Variants in CNTNAP3B observed in about 807,000 individuals in gnomAD.
CNTNAP3B encodes contactin-associated protein-like 3B.
Under a neutral mutation model 108.9 loss-of-function variants are expected in CNTNAP3B, and 25 were observed. That is an observed-to-expected ratio of 0.23 (90% CI 0.17 to 0.32). The LOEUF (loss-of-function observed/expected upper bound fraction) is 0.32, where lower values mean the gene tolerates loss of function less well. CNTNAP3B is among the 10% of genes least tolerant of loss of function. The probability of loss-of-function intolerance (pLI) is 1.00; values close to 1 mark genes in which losing one functional copy is unlikely to be tolerated. For missense variants in CNTNAP3B, 252 were observed against 1,210.4 expected (o/e 0.21, Z 11.75); for synonymous variants, 103 against 473.4 (o/e 0.22, Z 10.16).
chr9:41,950,623 T>A (rs1182523038), intron 13 of CNTNAP3B, among the ~76,000 whole-genome samples: 1 of 148,406 alleles, frequency 6.7e-6, no homozygotes, highest in Non-Finnish European at 1.5e-5. Flanking sequence ...TGAAAAAAAC[T>A]CAACCACAAA....
At position 42,108,673 on chromosome 9, in the gene CNTNAP3B, T is replaced by A. The variant is rs1385922318; in HGVS notation, c.86-3934A>T. Among the ~76,000 whole-genome samples the A allele has an allele frequency of 1.6e-5, 2 of 127,682 alleles. 1 individual carries two copies. The highest frequency in any genetic ancestry group is 6.4e-5 in the African/African-American group (2 of 31,290). The allele number at this position is 127,682 out of a possible 152,430, so 83.8% of individuals were successfully genotyped here. On this transcript the variant is annotated intron_variant, in intron 1 of 23. Transcript: ENST00000377561. ...GAAGATGCACGCTAGACCAGAGGGT[T>A]TTTGGCTTGCTGCACTTCCTTAGGC...
chr9:41,947,956 A>G (rs935640889), intron 13 of CNTNAP3B, among the ~76,000 whole-genome samples: 10 of 151,838 alleles, frequency 6.6e-5, no homozygotes, highest in Admixed American at 6.6e-4. Flanking sequence ...ACAAACTACC[A>G]CAATTCACCT....
In CNTNAP3B at chr9:42,047,385, A is replaced by G. The variant is rs1363279281; in HGVS notation, c.390+29484T>C. 3.0e-5 allele frequency among the ~76,000 whole-genome samples: 4 copies of G among 134,234 alleles called. 1 individual carries two copies. The highest frequency in any genetic ancestry group is 6.3e-5 in the Non-Finnish European group (4 of 63,516). The allele number at this position is 134,234 out of a possible 152,430, so 88.1% of individuals were successfully genotyped here. A position where few individuals can be genotyped will look rare whatever the true frequency, so the allele number is the denominator to read the frequency against. The stretch of plus-strand genomic sequence containing the variant: ...GTAAGTGGTTACTAAAGCTAAAATC[A>G]GGAGGAAAAAAGCAGAAAGCAAAAC... On this transcript the variant is annotated intron_variant, in intron 3 of 23. Coordinates refer to ENST00000377561, the MANE Select transcript of CNTNAP3B (RefSeq NM_001201380.3).
At chr9:42,058,287 C>T (rs376463288) in intron 3 of CNTNAP3B, among the ~76,000 whole-genome samples, 3,588 of 150,748 alleles carry the variant, frequency 0.024, no homozygotes, top group Non-Finnish European at 0.038. Flanking sequence ...GAGGAAACTC[C>T]CCACTGCTTT....
In CNTNAP3B at chr9:42,124,169, T is replaced by C. The variant is rs1207366344; in HGVS notation, c.85+4841A>G. Among the ~76,000 whole-genome samples, 3 of 137,038 alleles carry C rather than the reference T, an allele frequency of 2.2e-5. 1 individual carries two copies. Among genetic ancestry groups the C allele is most frequent in the African/African-American group, 8.8e-5 (3 of 34,186 alleles). 89.9% of individuals were successfully genotyped at this position (137,038 alleles called of 152,430 possible). A position where few individuals can be genotyped will look rare whatever the true frequency, so the allele number is the denominator to read the frequency against. On this transcript the variant is annotated intron_variant, in intron 1 of 23. Transcript: ENST00000377561. ...GTTAAAACTATTTTAAAATCTCAAA[T>C]GTTTTTAGATTTCAATCACTCTTCG...
chr9:41,952,588 AG>A (rs1824721872), intron 13 of CNTNAP3B, among the ~76,000 whole-genome samples: 3 of 152,016 alleles, frequency 2.0e-5, no homozygotes, highest in African/African-American at 7.3e-5. Flanking sequence ...TGATGCAGGC[AG>A]AGTTTCCAAA....
At chr9:42,041,961 T>C (rs1057344145) in intron 3 of CNTNAP3B, among the ~76,000 whole-genome samples, 2 of 127,282 alleles carry the variant, frequency 1.6e-5, no homozygotes, top group Non-Finnish European at 3.3e-5. Context: ...CTGGAAACCA[T>C]CATTCTGAGC....
At chr9:41,938,999 A>G (rs1163667132) in intron 13 of CNTNAP3B, among the ~76,000 whole-genome samples, 2 of 152,232 alleles carry the variant, frequency 1.3e-5, no homozygotes, top group Non-Finnish European at 2.9e-5. Flanking sequence ...TCATGCGAAG[A>G]AACAAAGTGC....
At chr9:41,924,647 A>ACGCGCG (rs1823760323) in intron 15 of CNTNAP3B, among the ~76,000 whole-genome samples, 1 of 3,498 alleles carries the variant, frequency 2.9e-4, no homozygotes, top group African/African-American at 4.7e-4. Flanking sequence ...TCCTTCCTGC[A>ACGCGCG]CACACACACA....
At chr9:42,085,738 TG>T (rs1277120247) in intron 2 of CNTNAP3B, among the ~76,000 whole-genome samples, 9 of 134,062 alleles carry the variant, frequency 6.7e-5, no homozygotes, top group Non-Finnish European at 1.3e-4. Context: ...AGGAAAAAAG[TG>T]AAAGGACAAC....
At chr9:41,921,441 G>A (rs1446786450) in intron 17 of CNTNAP3B, among the ~76,000 whole-genome samples, 9 of 149,830 alleles carry the variant, frequency 6.0e-5, no homozygotes, top group Admixed American at 2.7e-4. Flanking sequence ...GTGGGTTCAC[G>A]TGTAGCATTT....
chr9:41,965,389 C>T (rs879718295), intron 10 of CNTNAP3B, among the ~76,000 whole-genome samples: 2 of 151,052 alleles, frequency 1.3e-5, no homozygotes, highest in African/African-American at 4.9e-5. Context: ...TATTGGGGGC[C>T]TAGCATGCCT....
chr9:42,128,737 G>C (rs1828623732), intron 1 of CNTNAP3B, among the ~76,000 whole-genome samples: 1 of 96,626 alleles, frequency 1.0e-5, no homozygotes, highest in South Asian at 3.8e-4. Flanking sequence ...GCTCTTTTCA[G>C]GTTTTACAGA....
chr9:41,935,503 A>T (rs1462154842), intron 14 of CNTNAP3B, among the ~76,000 whole-genome samples: 1 of 152,296 alleles, frequency 6.6e-6, no homozygotes, highest in Non-Finnish European at 1.5e-5. Context: ...ACCTTAATCT[A>T]AATTATTACA....
intron 2 of CNTNAP3B, among the ~76,000 whole-genome samples, chr9:42,089,590 T>C (rs1416499549): frequency 6.8e-6 from 1 of 146,884 alleles, no homozygotes; most frequent in Non-Finnish European, 1.5e-5. Flanking sequence ...AATATCTTGA[T>C]ATTGAAAAGC....
At chr9:41,969,774 C>G (rs1351993414) in intron 10 of CNTNAP3B, among the ~76,000 whole-genome samples, 1 of 107,066 alleles carries the variant, frequency 9.3e-6, no homozygotes, top group Non-Finnish European at 2.0e-5. Context: ...CCTGCCACCA[C>G]GCCTGGCTAA....
intron 3 of CNTNAP3B, among the ~76,000 whole-genome samples, chr9:42,063,280 C>T (rs1445659856): frequency 7.8e-6 from 1 of 128,398 alleles, no homozygotes; most frequent in Non-Finnish European, 1.6e-5. Flanking sequence ...GTCCTTTTCT[C>T]TTTTCCTTCT....
At chr9:41,928,417 G>A (rs1451872911) in intron 15 of CNTNAP3B, among the ~76,000 whole-genome samples, 3 of 151,980 alleles carry the variant, frequency 2.0e-5, no homozygotes, top group Non-Finnish European at 4.4e-5. Context: ...CATCAAGCAG[G>A]AGACAAGCCG....
intron 14 of CNTNAP3B, among the ~76,000 whole-genome samples, chr9:41,937,677 G>T (rs1280527408): frequency 6.6e-6 from 1 of 152,284 alleles, no homozygotes; most frequent in African/African-American, 2.4e-5. Flanking sequence ...GAAATTCTAT[G>T]TTAGTTGTTT....
Sources: gnomAD v4.1 joint callset for allele counts (sites outside exome capture counted in the v4.1 genomes callset) on GRCh38, gnomAD v4.1.1 for gene constraint, MANE v1.5 for transcripts, NCBI Gene and HGNC (gene_info 2026-07-23, HGNC 2026-07-21) for gene names.